The following DYNC1I1 variants were observed in gnomAD, a reference collection of about 807,000 sequenced individuals.
DYNC1I1 encodes the protein dynein cytoplasmic 1 intermediate chain 1.
In DYNC1I1, 43 loss-of-function variants were observed where a neutral mutation model predicts 86.6. That is an observed-to-expected ratio of 0.50 (90% confidence interval 0.39 to 0.64). DYNC1I1 has a LOEUF of 0.64. DYNC1I1 is among the 30% of genes least tolerant of loss of function. DYNC1I1 has a pLI of 0.00. For synonymous variants in DYNC1I1, 262 were observed against 283.7 expected, an observed-to-expected ratio of 0.92 and a Z score of 0.77; for missense variants, 604 against 788.8, an observed-to-expected ratio of 0.77 and a Z score of 2.81.
rs538534953 is a variant in DYNC1I1, at chr7:95,894,282, C to A, written c.490+24284C>A. 3.3e-5 allele frequency among the ~76,000 whole-genome samples: 5 copies of A among 151,994 alleles called. No individual in the cohort carries two copies. The East Asian group carries it at 5.8e-4, about 18-fold the overall frequency. ...ATCAAGATTCCAGGAGACTTGGCAC[C>A]TGGTGAAGCCTGGCTTTCTGGTTTA... On this transcript the variant is annotated intron_variant, in intron 6 of 16. Coordinates refer to ENST00000447467, the MANE Select transcript of DYNC1I1 (RefSeq NM_001135556.2).
At chr7:96,082,559 C>A (rs1790556787) in intron 16 of DYNC1I1, among the ~76,000 whole-genome samples, 1 of 152,074 alleles carries the variant, frequency 6.6e-6, no homozygotes, top group Non-Finnish European at 1.5e-5. Flanking sequence ...ATTAGTTTAA[C>A]AATCTGTTTT....
chr7:96,022,889 A>G (rs527525008), intron 10 of DYNC1I1, among the ~76,000 whole-genome samples: 1 of 151,718 alleles, frequency 6.6e-6, no homozygotes, highest in Non-Finnish European at 1.5e-5. Context: ...AATAATAATA[A>G]TATAAAGAAA....
chr7:95,878,203 G>C (rs1439275292), intron 6 of DYNC1I1, among the ~76,000 whole-genome samples: 1 of 152,112 alleles, frequency 6.6e-6, no homozygotes, highest in Non-Finnish European at 1.5e-5. Flanking sequence ...CACAGGCAGG[G>C]AAGCAGGCAA....
chr7:95,900,751 C>CA (rs1791016043), intron 6 of DYNC1I1, among the ~76,000 whole-genome samples: 1 of 151,938 alleles, frequency 6.6e-6, no homozygotes, highest in African/African-American at 2.4e-5. Flanking sequence ...CTCTCTTTCT[C>CA]AAAAAAATCC....
chr7:95,868,101 C>T (rs1305192226), intron 5 of DYNC1I1, among the ~76,000 whole-genome samples: 2 of 152,196 alleles, frequency 1.3e-5, no homozygotes, highest in Non-Finnish European at 2.9e-5. Flanking sequence ...GTGCAAAGCT[C>T]AGCCTGGGCC....
intron 15 of DYNC1I1, among the ~76,000 whole-genome samples, chr7:96,078,631 G>T (rs1790417708): frequency 6.6e-6 from 1 of 152,030 alleles, no homozygotes; most frequent in African/African-American, 2.4e-5. Flanking sequence ...CACAATGTCA[G>T]TTTATTTTCA....
At chr7:96,010,300 G>C (rs1794245258) in intron 10 of DYNC1I1, among the ~76,000 whole-genome samples, 1 of 152,158 alleles carries the variant, frequency 6.6e-6, no homozygotes, top group Admixed American at 6.5e-5. Context: ...AGGCGGGAAT[G>C]GTTAGGTTCG....
At chr7:95,885,970 G>A (rs1041441141) in intron 6 of DYNC1I1, among the ~76,000 whole-genome samples, 5 of 152,038 alleles carry the variant, frequency 3.3e-5, no homozygotes, top group Non-Finnish European at 7.4e-5. Context: ...ACTACCAAAG[G>A]TCTTATTATA....
intron 6 of DYNC1I1, among the ~76,000 whole-genome samples, chr7:95,940,531 G>T (rs944163579): frequency 6.6e-6 from 1 of 150,398 alleles, no homozygotes; most frequent in Non-Finnish European, 1.5e-5. Flanking sequence ...TTCCCTTCTC[G>T]CTTCATTTCA....
At chr7:96,061,838 C>T (rs1391479189) in intron 14 of DYNC1I1, among the ~76,000 whole-genome samples, 2 of 152,022 alleles carry the variant, frequency 1.3e-5, no homozygotes, top group African/African-American at 4.8e-5. Context: ...GTCACATTTT[C>T]GTCAAGTTCT....
At chr7:96,050,044 A>C (rs944919808) in intron 14 of DYNC1I1, among the ~76,000 whole-genome samples, 3 of 151,976 alleles carry the variant, frequency 2.0e-5, no homozygotes, top group Non-Finnish European at 2.9e-5. Context: ...CAAACAAAAA[A>C]AAAAACAGTA....
chr7:96,064,242 C>G (rs1789887035), intron 14 of DYNC1I1, among the ~76,000 whole-genome samples: 1 of 150,862 alleles, frequency 6.6e-6, no homozygotes, highest in Non-Finnish European at 1.5e-5. Context: ...CTCTCTCTCT[C>G]TCTCTCCCTC....
rs576219204 is a variant in DYNC1I1, at chr7:95,804,234, C to T, written c.-9-487C>T. The T allele has an allele frequency of 2.4e-4, 93 of 386,350 alleles. 2 individuals carry two copies. The Middle Eastern group carries it at 5.4e-3, about 23-fold the overall frequency. 23.9% of individuals were successfully genotyped at this position (386,350 alleles called of 1,614,324 possible). On this transcript the variant is annotated intron_variant, in intron 1 of 16. Coordinates refer to ENST00000447467, the MANE Select transcript of DYNC1I1 (RefSeq NM_001135556.2). ...AGGCAAAATGAAATCTCCATGCATC[C>T]GAGCTCAGTGGAGGAATGTTTATTG...
intron 4 of DYNC1I1, among the ~76,000 whole-genome samples, chr7:95,827,305 C>G (rs1795222765): frequency 6.6e-6 from 1 of 152,134 alleles, no homozygotes. Flanking sequence ...ATTTAAAGAG[C>G]CTGGCTGAGA....
At position 95,787,518 on chromosome 7, in the gene DYNC1I1, C is replaced by T. The variant is rs559585292; in HGVS notation, c.-10+14745C>T. Among the ~76,000 whole-genome samples, 4 of 152,178 alleles carry T rather than the reference C, an allele frequency of 2.6e-5. No individual in the cohort carries two copies. The South Asian group carries it at 8.3e-4, about 32-fold the overall frequency. On this transcript the variant is annotated intron_variant, in intron 1 of 16. Transcript: ENST00000447467. The stretch of plus-strand genomic sequence containing the variant: ...AAACAGATCTAGGGGAATCCTAAAA[C>T]CAATGGAGCGTTGACACTTTTTATA...
chr7:95,804,404 GT>G, intron 1 of DYNC1I1: 1 of 1,263,290 alleles, frequency 7.9e-7, no homozygotes, highest in Non-Finnish European at 1.0e-6. Context: ...ATTTATTTTT[GT>G]TTATTTGTTA....
At chr7:95,776,939 A>T (rs1452980277) in intron 1 of DYNC1I1, among the ~76,000 whole-genome samples, 6 of 152,202 alleles carry the variant, frequency 3.9e-5, no homozygotes, top group Non-Finnish European at 7.3e-5. Flanking sequence ...GCTTGGAGGG[A>T]TTAAGTCACT....
intron 13 of DYNC1I1, 75 bp from the exon 14 acceptor site, chr7:96,039,197 TTTTTG>T: frequency 6.7e-7 from 1 of 1,488,562 alleles, no homozygotes; most frequent in South Asian, 1.3e-5. Flanking sequence ...AGTTGAGGGT[TTTTTG>T]TTTTGTTTTG....
At chr7:96,035,927 A>C (rs1276290052) in intron 13 of DYNC1I1, among the ~76,000 whole-genome samples, 175 bp downstream of exon 13, 1 of 152,164 alleles carries the variant, frequency 6.6e-6, no homozygotes, top group Non-Finnish European at 1.5e-5. Context: ...TTAGCTGTTC[A>C]TAAGACTGTG....
Sources: gnomAD v4.1 joint callset for allele counts (sites outside exome capture counted in the v4.1 genomes callset) on GRCh38, gnomAD v4.1.1 for gene constraint, MANE v1.5 for transcripts, NCBI Gene and HGNC (gene_info 2026-07-23, HGNC 2026-07-21) for gene names.